Variants in HIVEP3 observed in about 807,000 individuals in gnomAD.
HIVEP3 encodes the protein HIVEP zinc finger 3.
A neutral mutation model predicts 152.8 loss-of-function variants in HIVEP3; 49 were observed. That is an observed-to-expected ratio of 0.32 (90% CI 0.26 to 0.41). HIVEP3 has a LOEUF of 0.41. Among genes scored for constraint, HIVEP3 ranks in the 10% least tolerant of loss-of-function variants. The pLI is 1.00. For missense variants in HIVEP3, 2,790 were observed against 3,103.3 expected, an observed-to-expected ratio of 0.90 and a Z score of 2.40; for synonymous variants, 1,269 against 1,289.0, an observed-to-expected ratio of 0.98 and a Z score of 0.33.
chr1:41,655,946 CA>C, intron 2 of HIVEP3, among the ~76,000 whole-genome samples: 1 of 152,306 alleles, frequency 6.6e-6, no homozygotes, highest in Admixed American at 6.5e-5. Flanking sequence ...TCTTTACACC[CA>C]AACATACTGT....
At chr1:41,884,855 G>C (rs988746494) in intron 1 of HIVEP3, among the ~76,000 whole-genome samples, 1 of 149,846 alleles carries the variant, frequency 6.7e-6, no homozygotes, top group Non-Finnish European at 1.5e-5. Context: ...AGGCCCAGGT[G>C]GGGGACAAGA....
intron 2 of HIVEP3, among the ~76,000 whole-genome samples, chr1:41,660,637 A>G (rs1645698117): frequency 6.6e-6 from 1 of 152,234 alleles, no homozygotes; most frequent in African/African-American, 2.4e-5. Context: ...GTACAACACT[A>G]CATCATCTCT....
chr1:41,746,970 A>G (rs1647081941), intron 1 of HIVEP3, among the ~76,000 whole-genome samples: 1 of 151,818 alleles, frequency 6.6e-6, no homozygotes, highest in African/African-American at 2.4e-5. Flanking sequence ...TAACAGCATC[A>G]CCCCCGGCTC....
chr1:41,884,522 C>T (rs1472104064), intron 1 of HIVEP3, among the ~76,000 whole-genome samples: 1 of 152,154 alleles, frequency 6.6e-6, no homozygotes, highest in African/African-American at 2.4e-5. Context: ...GGTTTGCAAA[C>T]TTGTGTTTCT....
At chr1:41,840,836 A>C (rs530738052) in intron 1 of HIVEP3, among the ~76,000 whole-genome samples, 1 of 152,228 alleles carries the variant, frequency 6.6e-6, no homozygotes, top group Non-Finnish European at 1.5e-5. Context: ...GGAAGGAGCC[A>C]GGAGACTCAA....
chr1:41,624,171 C>T (rs1051889285), intron 3 of HIVEP3, among the ~76,000 whole-genome samples: 3 of 152,184 alleles, frequency 2.0e-5, no homozygotes, highest in Non-Finnish European at 2.9e-5. Context: ...ATCTCTCCTC[C>T]TTCCTCCTCT....
chr1:41,999,311 G>A (rs1645413739), intron 1 of HIVEP3, among the ~76,000 whole-genome samples: 1 of 152,108 alleles, frequency 6.6e-6, no homozygotes, highest in African/African-American at 2.4e-5. Context: ...TAAACACCCT[G>A]AATCAGATTC....
chr1:41,914,699 T>C (rs908679115), intron 1 of HIVEP3, among the ~76,000 whole-genome samples: 1 of 152,174 alleles, frequency 6.6e-6, no homozygotes, highest in Non-Finnish European at 1.5e-5. Context: ...ACACCATTGC[T>C]TACCATAAGG....
At chr1:41,897,935 GA>G (rs1458093713) in intron 1 of HIVEP3, among the ~76,000 whole-genome samples, 185 of 108,606 alleles carry the variant, frequency 1.7e-3, no homozygotes, top group African/African-American at 6.7e-3. Flanking sequence ...ACCTGAGAGA[GA>G]GGGAGAGAGA....
chr1:41,831,152 A>G (rs1642953246), intron 1 of HIVEP3, among the ~76,000 whole-genome samples: 1 of 152,148 alleles, frequency 6.6e-6, no homozygotes, highest in African/African-American at 2.4e-5. Context: ...CCAGCTTCTA[A>G]ACAGCACCCA....
intron 4 of HIVEP3, 35 bp from the exon 5 acceptor site, chr1:41,575,724 G>C: frequency 6.2e-7 from 1 of 1,608,704 alleles, no homozygotes; most frequent in Non-Finnish European, 8.5e-7. Context: ...ATCATTGCTG[G>C]TTAAAAGTGC....
intron 1 of HIVEP3, among the ~76,000 whole-genome samples, chr1:41,889,676 G>A (rs376186957): frequency 2.0e-5 from 3 of 152,148 alleles, no homozygotes; most frequent in African/African-American, 4.8e-5. Flanking sequence ...AGTGTGTATC[G>A]ATGGAGAGGG....
rs747182005 is a variant in HIVEP3, at chr1:41,579,747, C to A, written c.5051G>T (p.Arg1684Leu). 1.9e-6 allele frequency: 3 copies of A among 1,576,762 alleles called. No individual in the cohort carries two copies. Among genetic ancestry groups the A allele is most frequent in the South Asian group, 1.2e-5 (1 of 86,864 alleles). Reference protein sequence around the residue: ...RLVPSSSRKPRMTEVHLPSLV... With the variant: ...RLVPSSSRKPLMTEVHLPSLV... ...CAAGGCTGAACTTACCTCTGTCATG[C>A]GGGGCTTGCGGGAGCTGGATGGCAC... The change falls in exon 4 of 9, where the codon CGC becomes CTC. Residue 1684 changes from arginine (R) to leucine (L), a missense_variant. Coordinates refer to ENST00000372583, the MANE Select transcript of HIVEP3 (RefSeq NM_024503.5).
intron 5 of HIVEP3, among the ~76,000 whole-genome samples, chr1:41,559,208 G>C (rs1455640445): frequency 6.6e-6 from 1 of 152,110 alleles, no homozygotes; most frequent in East Asian, 1.9e-4. Context: ...CTGCCTGGCT[G>C]GCTCCCAATG....
intron 1 of HIVEP3, among the ~76,000 whole-genome samples, chr1:41,984,771 C>T (rs908537243): frequency 6.6e-6 from 1 of 152,190 alleles, no homozygotes; most frequent in African/African-American, 2.4e-5. Context: ...AGAGGTAACT[C>T]TGAGACATCA....
intron 2 of HIVEP3, among the ~76,000 whole-genome samples, chr1:41,636,565 G>A (rs890897257): frequency 6.6e-6 from 1 of 152,024 alleles, no homozygotes; most frequent in Non-Finnish European, 1.5e-5. Context: ...CAACATATAT[G>A]AAAAAGTGTC....
intron 1 of HIVEP3, among the ~76,000 whole-genome samples, chr1:41,718,734 C>G (rs1646632097): frequency 6.6e-6 from 1 of 151,966 alleles, no homozygotes; most frequent in South Asian, 2.1e-4. Context: ...CCCATTCCCT[C>G]CTCTGTCTCT....
intron 1 of HIVEP3, among the ~76,000 whole-genome samples, chr1:41,712,936 C>A (rs557726032): frequency 6.6e-6 from 1 of 152,200 alleles, no homozygotes; most frequent in Admixed American, 6.5e-5. Context: ...CCTGACACAG[C>A]GGGGCAGGCT....
intron 5 of HIVEP3, among the ~76,000 whole-genome samples, chr1:41,539,726 G>A (rs1221696192): frequency 2.6e-5 from 4 of 152,166 alleles, no homozygotes; most frequent in South Asian, 2.1e-4. Context: ...CACGCTTTCC[G>A]TAGGATATCT....
Sources: allele counts gnomAD v4.1 joint callset (sites outside exome capture counted in the v4.1 genomes callset), GRCh38; gene constraint gnomAD v4.1.1; transcripts MANE v1.5; gene names NCBI Gene and HGNC (gene_info 2026-07-23, HGNC 2026-07-21).